NUP50: variants seen among roughly 807,000 people sequenced by gnomAD.
NUP50 encodes nuclear pore complex protein Nup50.
A neutral mutation model predicts 36.8 loss-of-function variants in NUP50; 14 were observed. The ratio of observed to expected loss-of-function variants is 0.38; its 90% CI spans 0.25 to 0.59. NUP50 has a LOEUF of 0.59. Among genes scored for constraint, NUP50 ranks in the 20% least tolerant of loss-of-function variants. The pLI, the probability that NUP50 is intolerant of heterozygous loss-of-function variation, is 0.63. For missense variants in NUP50, 455 were observed against 564.6 expected (o/e 0.81, Z 1.97); for synonymous variants, 195 against 210.8 (o/e 0.93, Z 0.65).
In NUP50 at chr22:45,163,951, C is replaced by G. The variant is rs951489233; in HGVS notation, c.-356C>G. 3 of 152,256 alleles carry G rather than the reference C, an allele frequency of 2.0e-5. No individual in the cohort carries two copies. The highest frequency in any genetic ancestry group is 7.2e-5 in the African/African-American group (3 of 41,470). The allele number at this position is 152,256 out of a possible 1,614,324, so 9.4% of individuals were successfully genotyped here. A position where few individuals can be genotyped will look rare whatever the true frequency, so the allele number is the denominator to read the frequency against. ...CCGGCGCGCTTGCGCAGTAGCTGAA[C>G]GCGGGCGTTTCTTTCCTCCCTTTTT... On this transcript the variant is annotated 5_prime_UTR_variant, in exon 1 of 8. Coordinates refer to ENST00000347635, the MANE Select transcript of NUP50 (RefSeq NM_007172.4).
intron 2 of NUP50, chr22:45,171,169 A>C: frequency 8.5e-7 from 1 of 1,180,024 alleles, no homozygotes; most frequent in Admixed American, 4.0e-5. Flanking sequence ...CTCATCTTAA[A>C]AATCATGTGT....
intron 2 of NUP50, 112 bp downstream of exon 2, chr22:45,168,358 C>G (rs147158956): frequency 6.0e-5 from 43 of 716,300 alleles, no homozygotes; most frequent in South Asian, 3.7e-4. Context: ...CTAAGAACAT[C>G]ATGAATGGGA....
chr22:45,170,941 A>G (rs1222880706), intron 2 of NUP50: 1 of 1,286,382 alleles, frequency 7.8e-7, no homozygotes, highest in East Asian at 5.6e-5. Flanking sequence ...TGAAACAACT[A>G]TAGGTGAGAA....
chr22:45,184,941 A>C lies in NUP50; in HGVS notation c.*286A>C. On this transcript the variant is annotated 3_prime_UTR_variant, in exon 8 of 8. Transcript: ENST00000347635. Reference sequence around the variant, plus strand: ...AAACTAACCCTAAGTGATTTCTTCAAGGACTGCAATCAGGGTATCAATTTG... The same window carrying C: ...AAACTAACCCTAAGTGATTTCTTCACGGACTGCAATCAGGGTATCAATTTG... 2.4e-6 allele frequency: 1 copy of C among 418,850 alleles called. No individual in the cohort carries two copies. The highest frequency in any genetic ancestry group is 4.4e-6 in the Non-Finnish European group (1 of 227,910). 25.9% of individuals were successfully genotyped at this position (418,850 alleles called of 1,614,324 possible). A position where few individuals can be genotyped will look rare whatever the true frequency, so the allele number is the denominator to read the frequency against.
chr22:45,177,738 G>A, intron 4 of NUP50: 1 of 153,582 alleles, frequency 6.5e-6, no homozygotes, highest in Non-Finnish European at 1.4e-5. Context: ...TAGTGTTCTT[G>A]TATAAACTTT....
Position 45,184,621 on chromosome 22 carries a change from T to G in NUP50, c.1373T>G (p.Leu458Trp). 6.2e-7 allele frequency: 1 copy of G among 1,613,350 alleles called. No homozygotes were observed. The highest frequency in any genetic ancestry group is 1.1e-5 in the South Asian group (1 of 91,056). ...RVKTSEDADE[L>W]HKILLEKKDA ...AAAACCAGCGAGGATGCAGACGAGT[T>G]GCACAAAATTTTACTGGAGAAAAAG... Residue 458 changes from leucine to tryptophan, a missense_variant, in exon 8 of 8, where the codon TTG (leucine) becomes TGG (tryptophan). Physicochemically the swap from Leu to Trp is moderately conservative, Grantham distance 61. This residue lies in a region of NUP50 where 287 missense variants were observed against 345.5 expected (regional missense o/e 0.83). Transcript: ENST00000347635.
rs149928224 is a variant in NUP50 at position 45,184,529 on chromosome 22, C to G, written c.1281C>G (p.Val427=). The G allele has an allele frequency of 1.2e-6, 2 of 1,613,452 alleles. No homozygotes were observed. Among genetic ancestry groups the G allele is most frequent in the African/African-American group, 2.7e-5 (2 of 74,898 alleles). ...CAGGGAAGAATAACGTTCTTATCGTCTGTGTTCCAAATCCACCAATTGACG... is the reference window on the plus strand; with the variant it reads ...CAGGGAAGAATAACGTTCTTATCGTGTGTGTTCCAAATCCACCAATTGACG... ...TRTGKNNVLI[V]CVPNPPIDEK... Residue 427 remains valine (V), a synonymous_variant, in exon 8 of 8, where the codon GTC becomes GTG. Transcript: ENST00000347635.
chr22:45,173,839 C>G (rs1252972043), intron 3 of NUP50, among the ~76,000 whole-genome samples: 1 of 152,148 alleles, frequency 6.6e-6, no homozygotes, highest in African/African-American at 2.4e-5. Context: ...CCTTGGGCAA[C>G]TAAGGGAAAT....
rs746806053 is a variant in NUP50 at position 45,184,608 on chromosome 22, G to T, written c.1360G>T (p.Asp454Tyr). The T allele has an allele frequency of 6.2e-7, 1 of 1,613,346 alleles. No individual in the cohort carries two copies. The highest frequency in any genetic ancestry group is 8.5e-7 in the Non-Finnish European group (1 of 1,179,500). ...TMLIRVKTSEDADELHKILLE... is the reference protein window; with the variant it reads ...TMLIRVKTSEYADELHKILLE... The stretch of plus-strand genomic sequence containing the variant: ...GTTGATTCGGGTAAAAACCAGCGAG[G>T]ATGCAGACGAGTTGCACAAAATTTT... Residue 454 changes from aspartate (D) to tyrosine (Y), a missense_variant, in exon 8 of 8, where the codon GAT becomes TAT. Physicochemically the swap from Asp to Tyr is radical, Grantham distance 160. Transcript: ENST00000347635.
chr22:45,168,449 T>C (rs546994532), intron 2 of NUP50, among the ~76,000 whole-genome samples: 1 of 152,364 alleles, frequency 6.6e-6, no homozygotes, highest in Non-Finnish European at 1.5e-5. Flanking sequence ...AGTGTAGAAA[T>C]GTATTAATTA....
In NUP50 at chr22:45,184,210, C is replaced by T. The variant is rs867377536; in HGVS notation, c.1205-243C>T. 9.8e-5 allele frequency: 51 copies of T among 520,876 alleles called. 1 individual carries two copies. The South Asian group carries it at 1.0e-3, about 10-fold the overall frequency. The allele number at this position is 520,876 out of a possible 1,614,324, so 32.3% of individuals were successfully genotyped here. A position where few individuals can be genotyped will look rare whatever the true frequency, so the allele number is the denominator to read the frequency against. On this transcript the variant is annotated intron_variant, in intron 7 of 7. Transcript: ENST00000347635. ...GCGAGGCTGCTGGCTCTGAGAGAAA[C>T]GCTGTGTGGGTGCAGAGACCCGGGC...
chr22:45,178,648 A>T lies in NUP50; in HGVS notation c.751A>T (p.Met251Leu), dbSNP rs767922135. ...NKTEDTPDKK[M>L]EVASEKKTDP... ...AACTGAAGATACACCTGACAAGAAG[A>T]TGGAGGTGGCATCTGAAAAGAAAAC... Residue 251 changes from methionine (M) to leucine (L), a missense_variant, in exon 5 of 8, where the codon ATG becomes TTG. By Grantham distance (15) the Met-to-Leu change is conservative (BLOSUM62 2). Around this residue, in one of 3 missense-constraint regions of NUP50, gnomAD observed 287 missense variants for 345.5 expected, o/e 0.83. Coordinates refer to ENST00000347635, the MANE Select transcript of NUP50 (RefSeq NM_007172.4). 1.2e-5 allele frequency: 20 copies of T among 1,607,010 alleles called. No homozygotes were observed. The highest frequency in any genetic ancestry group is 1.5e-5 in the Non-Finnish European group (18 of 1,178,440).
chr22:45,182,876 G>A (rs1425788000), intron 6 of NUP50, among the ~76,000 whole-genome samples: 3 of 151,678 alleles, frequency 2.0e-5, no homozygotes, highest in South Asian at 2.1e-4. Flanking sequence ...TGCCTGCCTC[G>A]GCCTCCCAAA....
intron 5 of NUP50, 137 bp from the exon 6 acceptor site, chr22:45,181,149 C>CCCCAA: frequency 9.7e-6 from 1 of 103,112 alleles, no homozygotes; most frequent in South Asian, 1.7e-4. Flanking sequence ...CCCCCCCCCC[C>CCCCAA]ATTAAGTGTG....
rs530079398 is a variant in NUP50, at chr22:45,185,662, C to T, written c.*1007C>T. On this transcript the variant is annotated 3_prime_UTR_variant, in exon 8 of 8. Coordinates refer to ENST00000347635, the MANE Select transcript of NUP50 (RefSeq NM_007172.4). ...AAACTTTGCCTTTAACTTTAGACCG[C>T]AGTATATTATAATACATTTGATATC... The T allele has an allele frequency of 6.6e-6, 1 of 152,242 alleles. No individual in the cohort carries two copies. The highest frequency in any genetic ancestry group is 1.9e-4 in the East Asian group (1 of 5,188). 9.4% of individuals were successfully genotyped at this position (152,242 alleles called of 1,614,324 possible).
intron 3 of NUP50, among the ~76,000 whole-genome samples, chr22:45,174,320 G>C (rs1016986419): frequency 3.3e-5 from 5 of 152,056 alleles, no homozygotes; most frequent in African/African-American, 1.2e-4. Context: ...TGGGACTACA[G>C]GCATGCGCCA....
At chr22:45,168,321 G>A in intron 2 of NUP50, 75 bp downstream of exon 2, 1 of 1,144,262 alleles carries the variant, frequency 8.7e-7, no homozygotes, top group Non-Finnish European at 1.3e-6. Flanking sequence ...TCCTCATGAA[G>A]ACTTGTGACA....
chr22:45,187,738 A>G lies in NUP50; in HGVS notation c.*3083A>G, dbSNP rs2083464779. On this transcript the variant is annotated 3_prime_UTR_variant, in exon 8 of 8. Transcript: ENST00000347635. ...GGTCTTTTCCAAGCAGGCACTCAGA[A>G]CACAGGTCACCGTATGTTCTCAGCC... is the stretch of plus-strand genomic sequence containing the variant. 6.6e-6 allele frequency: 1 copy of G among 152,408 alleles called. No homozygotes were observed. Among genetic ancestry groups the G allele is most frequent in the Non-Finnish European group, 1.5e-5 (1 of 68,040 alleles). The allele number at this position is 152,408 out of a possible 1,614,324, so 9.4% of individuals were successfully genotyped here. A position where few individuals can be genotyped will look rare whatever the true frequency, so the allele number is the denominator to read the frequency against.
chr22:45,179,802 C>T (rs538809512), intron 5 of NUP50, among the ~76,000 whole-genome samples: 12 of 152,236 alleles, frequency 7.9e-5, no homozygotes, highest in African/African-American at 2.4e-4. Flanking sequence ...GGGAGTATCT[C>T]GAGCTCAGAA....
Sources: allele counts gnomAD v4.1 joint callset (sites outside exome capture counted in the v4.1 genomes callset), GRCh38; gene constraint gnomAD v4.1.1; regional missense constraint gnomAD v4.1.1; transcripts MANE v1.5; gene names NCBI Gene and HGNC (gene_info 2026-07-23, HGNC 2026-07-21).